The following PTPRM variants were observed in gnomAD, a reference collection of about 807,000 sequenced individuals.
PTPRM encodes protein tyrosine phosphatase receptor type M.
In PTPRM, 47 loss-of-function variants were observed where a neutral mutation model predicts 186.7. The ratio of observed to expected loss-of-function variants is 0.25; its 90% CI spans 0.20 to 0.32. The LOEUF is 0.32. Among genes scored for constraint, PTPRM ranks in the 10% least tolerant of loss-of-function variants. The pLI, the probability that PTPRM is intolerant of heterozygous loss-of-function variation, is 1.00. For synonymous variants in PTPRM, 668 were observed against 674.9 expected (o/e 0.99, Z 0.16); for missense variants, 1,494 against 1,865.0 (o/e 0.80, Z 3.66).
chr18:8,394,500 G>T lies in PTPRM; in HGVS notation c.4233G>T (p.Thr1411=), dbSNP rs140071883. Residue 1411 remains threonine (T), a synonymous_variant, in exon 32 of 33, where the codon ACG becomes ACT. Coordinates refer to ENST00000580170, the MANE Select transcript of PTPRM (RefSeq NM_001105244.2). ...HCLNGGGRSG[T]FCAISIVCEM... ...GGAACGGGGGAGGCCGCAGTGGGAC[G>T]TTCTGCGCCATCAGCATCGTATGTG... The T allele has an allele frequency of 4.3e-6, 7 of 1,613,006 alleles. No individual in the cohort carries two copies. The highest frequency in any genetic ancestry group is 5.9e-6 in the Non-Finnish European group (7 of 1,179,550).
intron 20 of PTPRM, among the ~76,000 whole-genome samples, chr18:8,311,426 C>T (rs2095267575): frequency 6.6e-6 from 1 of 152,198 alleles, no homozygotes; most frequent in Non-Finnish European, 1.5e-5. Flanking sequence ...CCTTGTTGCT[C>T]ACTTGCTGTG....
At chr18:7,725,461 G>A (rs923647574) in intron 1 of PTPRM, among the ~76,000 whole-genome samples, 1 of 152,080 alleles carries the variant, frequency 6.6e-6, no homozygotes, top group Admixed American at 6.5e-5. Context: ...AAGCCAAAGA[G>A]CCTGGAACTG....
chr18:8,205,305 C>A (rs1314921109), intron 14 of PTPRM, among the ~76,000 whole-genome samples: 1 of 151,962 alleles, frequency 6.6e-6, no homozygotes, highest in Non-Finnish European at 1.5e-5. Context: ...CAAAAAAAAA[C>A]CCTGCAATGT....
At chr18:7,935,632 C>A (rs1003113495) in intron 5 of PTPRM, among the ~76,000 whole-genome samples, 1 of 152,228 alleles carries the variant, frequency 6.6e-6, no homozygotes, top group African/African-American at 2.4e-5. Flanking sequence ...CTCCTGGCCT[C>A]GACTTGAAAT....
chr18:7,618,156 C>G (rs1427862020), intron 1 of PTPRM, among the ~76,000 whole-genome samples: 1 of 152,186 alleles, frequency 6.6e-6, no homozygotes, highest in East Asian at 1.9e-4. Context: ...CAAAACAAAC[C>G]CCCTCTCCAC....
chr18:8,074,416 C>T (rs1287922945), intron 8 of PTPRM, among the ~76,000 whole-genome samples: 1 of 152,102 alleles, frequency 6.6e-6, no homozygotes, highest in Admixed American at 6.6e-5. Flanking sequence ...TGAGTACATA[C>T]CTAGGAGTGA....
chr18:8,085,638 C>T (rs1473068868), intron 9 of PTPRM, 33 bp from the exon 10 acceptor site: 2 of 1,537,830 alleles, frequency 1.3e-6, no homozygotes, highest in Non-Finnish European at 1.8e-6. Flanking sequence ...CCATCTGCTC[C>T]AGATATTTTA....
intron 7 of PTPRM, among the ~76,000 whole-genome samples, chr18:7,960,470 T>TAC (rs1456122766): frequency 1.0e-4 from 12 of 115,966 alleles, no homozygotes; most frequent in African/African-American, 4.0e-4. Flanking sequence ...TATATATATA[T>TAC]ATATATATAT....
intron 4 of PTPRM, 109 bp downstream of exon 4, chr18:7,906,692 G>C: frequency 1.1e-6 from 1 of 873,670 alleles, no homozygotes; most frequent in Non-Finnish European, 1.9e-6. Context: ...TGCCAAGACA[G>C]TTCCCTGACA....
intron 1 of PTPRM, among the ~76,000 whole-genome samples, chr18:7,571,339 C>T (rs1267780329): frequency 2.6e-5 from 4 of 152,126 alleles, no homozygotes; most frequent in Admixed American, 6.5e-5. Context: ...CTAAAAATAA[C>T]TGGTAAGATG....
At chr18:7,875,036 T>TA (rs1358390392) in intron 2 of PTPRM, among the ~76,000 whole-genome samples, 1 of 151,712 alleles carries the variant, frequency 6.6e-6, no homozygotes, top group East Asian at 2.0e-4. Context: ...CTACTAAAAA[T>TA]AAAAAATAAG....
At chr18:8,019,615 C>G (rs2085084034) in intron 7 of PTPRM, among the ~76,000 whole-genome samples, 1 of 151,228 alleles carries the variant, frequency 6.6e-6, no homozygotes. Context: ...TTAATGTAAA[C>G]CCTTCAATTA....
chr18:7,997,753 A>G (rs2083625282), intron 7 of PTPRM, among the ~76,000 whole-genome samples: 1 of 152,216 alleles, frequency 6.6e-6, no homozygotes, highest in African/African-American at 2.4e-5. Flanking sequence ...AGACATTCAA[A>G]TGGCCTGCAG....
At chr18:8,328,400 G>T (rs2095391722) in intron 22 of PTPRM, among the ~76,000 whole-genome samples, 1 of 152,174 alleles carries the variant, frequency 6.6e-6, no homozygotes, top group Non-Finnish European at 1.5e-5. Context: ...TAAATCAAAA[G>T]CTCAGCCTTC....
At chr18:8,017,380 T>A (rs1329464951) in intron 7 of PTPRM, among the ~76,000 whole-genome samples, 2 of 151,648 alleles carry the variant, frequency 1.3e-5, no homozygotes, top group Non-Finnish European at 1.5e-5. Flanking sequence ...AATACAAAAT[T>A]ATACAAAAAA....
At chr18:8,386,512 G>A (rs189304065) in intron 30 of PTPRM, among the ~76,000 whole-genome samples, 45 of 152,320 alleles carry the variant, frequency 3.0e-4, no homozygotes, top group Non-Finnish European at 4.6e-4. Context: ...TGATTTAGCC[G>A]TGGCCAGATT....
At chr18:8,375,784 A>T (rs1568858318) in intron 24 of PTPRM, among the ~76,000 whole-genome samples, 1 of 152,226 alleles carries the variant, frequency 6.6e-6, no homozygotes, top group Admixed American at 6.5e-5. Flanking sequence ...CAACCAATTC[A>T]TCCATTTGCT....
chr18:8,071,810 G>A (rs1484909522), intron 8 of PTPRM, among the ~76,000 whole-genome samples: 3 of 152,154 alleles, frequency 2.0e-5, no homozygotes, highest in African/African-American at 7.2e-5. Flanking sequence ...GCTGTCTCCA[G>A]CTCTTCAGTC....
intron 22 of PTPRM, among the ~76,000 whole-genome samples, chr18:8,337,669 T>TCAAGACCCAAGTGAC (rs1267299930): frequency 1.1e-4 from 17 of 151,496 alleles, no homozygotes; most frequent in Admixed American, 1.1e-3. Flanking sequence ...TCCACTTGGG[T>TCAAGACCCAAGTGAC]CTTGGAAAAG....
Sources: allele counts gnomAD v4.1 joint callset (sites outside exome capture counted in the v4.1 genomes callset), GRCh38; gene constraint gnomAD v4.1.1; transcripts MANE v1.5; gene names NCBI Gene and HGNC (gene_info 2026-07-23, HGNC 2026-07-21).